CFAP47: variants seen among roughly 807,000 people sequenced by gnomAD.
The protein encoded by CFAP47 is cilia and flagella associated protein 47.
Under a neutral mutation model 148.1 loss-of-function variants are expected in CFAP47, and 29 were observed. The observed-to-expected ratio is 0.20, with a 90% CI of 0.15 to 0.27. CFAP47 has a LOEUF of 0.27. Among genes scored for constraint, CFAP47 ranks in the 10% least tolerant of loss-of-function variants. The pLI is 1.00. For synonymous variants in CFAP47, 664 were observed against 577.3 expected, an observed-to-expected ratio of 1.15 and a Z score of -2.15; for missense variants, 1,872 against 1,697.5, an observed-to-expected ratio of 1.10 and a Z score of -1.81.
chrX:36,243,359 A>T (rs1312559527), intron 48 of CFAP47, among the ~76,000 whole-genome samples: 1 of 110,080 alleles, frequency 9.1e-6, no homozygotes, highest in Non-Finnish European at 1.9e-5. Flanking sequence ...AATTGGACTA[A>T]AAACCCCACT....
At chrX:36,173,964 C>T (rs1027121654) in intron 39 of CFAP47, among the ~76,000 whole-genome samples, 4 of 110,786 alleles carry the variant, frequency 3.6e-5, no homozygotes, top group African/African-American at 1.3e-4. Context: ...TCAGGACTTG[C>T]TTTATGAATC....
rs1431990189 is a variant in CFAP47, at chrX:36,359,846, G to A, written c.8852-1484G>A. Reference sequence around the variant, plus strand: ...GCTCACTGCAAACTCTGCCTCCCGGGTTCACACCATTCTTGTGCCTCAGCC... The same window carrying A: ...GCTCACTGCAAACTCTGCCTCCCGGATTCACACCATTCTTGTGCCTCAGCC... On this transcript the variant is annotated intron_variant, in intron 60 of 63. Transcript: ENST00000378653. Among the ~76,000 whole-genome samples the A allele has an allele frequency of 3.6e-5, 4 of 111,071 alleles. No homozygotes were observed. The East Asian group carries it at 8.6e-4, about 24-fold the overall frequency.
intron 23 of CFAP47, among the ~76,000 whole-genome samples, chrX:36,034,453 G>A (rs954157033): frequency 1.8e-5 from 2 of 110,824 alleles, no homozygotes; most frequent in East Asian, 5.7e-4. Context: ...ACAATCAAGT[G>A]GTAGGAGGTT....
chrX:35,923,189 A>G (rs979089569), intron 1 of CFAP47, among the ~76,000 whole-genome samples: 1 of 111,066 alleles, frequency 9.0e-6, no homozygotes, highest in African/African-American at 3.3e-5. Context: ...TATGATTTAG[A>G]GTCAGATAGA....
rs553132613 is a variant in CFAP47, at chrX:36,073,696, C to T, written c.4691+332C>T. ...AGCCCTTTTAATATTAGCCCTAGAT[C>T]GAGATTATAGCCAGGTAGACAGGTA... is the stretch of plus-strand genomic sequence containing the variant. On this transcript the variant is annotated intron_variant, in intron 29 of 63. Transcript: ENST00000378653. Among the ~76,000 whole-genome samples, 12 of 110,853 alleles carry T rather than the reference C, an allele frequency of 1.1e-4. No individual in the cohort carries two copies. In the South Asian group the frequency reaches 2.7e-3, roughly 25 times the overall value.
At chrX:36,202,287 T>A (rs1225155706) in intron 44 of CFAP47, among the ~76,000 whole-genome samples, 1 of 111,572 alleles carries the variant, frequency 9.0e-6, no homozygotes, top group Admixed American at 9.5e-5. Context: ...GCAAGCCTGC[T>A]CATGTTGCTC....
chrX:35,925,896 T>A lies in CFAP47; in HGVS notation c.250-121T>A, dbSNP rs67070423. Reference sequence around the variant, plus strand: ...GGTCTCGATCTCCTGACCTCATGATTCGCTGGCCTCCACCTCCCAAAGTGC... The same window carrying A: ...GGTCTCGATCTCCTGACCTCATGATACGCTGGCCTCCACCTCCCAAAGTGC... On this transcript the variant is annotated intron_variant, in intron 1 of 63. Coordinates refer to ENST00000378653, the MANE Select transcript of CFAP47 (RefSeq NM_001304548.2). 6,460 of 493,336 alleles carry A rather than the reference T, an allele frequency of 0.013. 331 individuals are homozygous for A. In the African/African-American group the frequency reaches 0.14, roughly 11 times the overall value. The allele number at this position is 493,336 out of a possible 1,213,427, so 40.7% of individuals were successfully genotyped here. A position where few individuals can be genotyped will look rare whatever the true frequency, so the allele number is the denominator to read the frequency against.
chrX:36,053,206 C>T (rs924902409), intron 26 of CFAP47, among the ~76,000 whole-genome samples: 1 of 111,305 alleles, frequency 9.0e-6, no homozygotes, highest in Middle Eastern at 4.7e-3. Flanking sequence ...GGGATACTAC[C>T]AGGTAGCTAC....
At chrX:36,204,741 A>T (rs782061753) in intron 44 of CFAP47, among the ~76,000 whole-genome samples, 106 of 111,256 alleles carry the variant, frequency 9.5e-4, no homozygotes, top group Non-Finnish European at 1.7e-3. Flanking sequence ...AGCACGGGGG[A>T]CATTGGTCAT....
chrX:36,299,990 G>A (rs1556007505), intron 52 of CFAP47, among the ~76,000 whole-genome samples: 1 of 111,458 alleles, frequency 9.0e-6, no homozygotes, highest in African/African-American at 3.3e-5. Context: ...AGAAATATGG[G>A]CTGGTCTTTT....
chrX:36,035,223 G>C (rs1937324234), intron 23 of CFAP47, among the ~76,000 whole-genome samples: 1 of 111,491 alleles, frequency 9.0e-6, no homozygotes, highest in South Asian at 3.7e-4. Context: ...TTATCACCTA[G>C]AGTACATTAT....
intron 22 of CFAP47, among the ~76,000 whole-genome samples, chrX:36,018,960 T>C (rs1304481456): frequency 8.9e-6 from 1 of 111,753 alleles, no homozygotes; most frequent in Non-Finnish European, 1.9e-5. Context: ...AATACAACAG[T>C]GATGATACCA....
intron 50 of CFAP47, among the ~76,000 whole-genome samples, chrX:36,284,698 C>A (rs73629598): frequency 0.02 from 2,268 of 111,557 alleles, 62 homozygotes; most frequent in African/African-American, 0.07. Flanking sequence ...CTAGTTTGTG[C>A]TTCTTATTTC....
At chrX:36,173,043 G>A (rs369707287) in intron 39 of CFAP47, among the ~76,000 whole-genome samples, 41 of 110,754 alleles carry the variant, frequency 3.7e-4, no homozygotes, top group South Asian at 3.1e-3. Flanking sequence ...TGTATGTGTC[G>A]AGGAATTTAT....
At chrX:36,122,921 C>A (rs1161101441) in intron 33 of CFAP47, among the ~76,000 whole-genome samples, 1 of 111,382 alleles carries the variant, frequency 9.0e-6, no homozygotes, top group Non-Finnish European at 1.9e-5. Flanking sequence ...TATTCTCAGT[C>A]TGGGCTTGTT....
intron 1 of CFAP47, among the ~76,000 whole-genome samples, chrX:35,920,832 G>A (rs184324547): frequency 1.0e-3 from 112 of 111,546 alleles, no homozygotes; most frequent in Non-Finnish European, 1.5e-3. Context: ...ATAAAAAGTA[G>A]TGTTGAATAC....
intron 40 of CFAP47, among the ~76,000 whole-genome samples, chrX:36,183,062 C>G (rs1939768348): frequency 8.9e-6 from 1 of 112,611 alleles, no homozygotes; most frequent in African/African-American, 3.2e-5. Context: ...GTAATCCCAG[C>G]ACTTTGGGAG....
At chrX:36,297,409 A>C (rs782565402) in intron 51 of CFAP47, among the ~76,000 whole-genome samples, 5 of 112,514 alleles carry the variant, frequency 4.4e-5, no homozygotes, top group Non-Finnish European at 7.5e-5. Context: ...AAGTACGTTT[A>C]TTACCAAGCT....
chrX:36,201,074 A>G (rs1444155196), intron 43 of CFAP47, among the ~76,000 whole-genome samples, 200 bp from the exon 44 acceptor site: 1 of 111,397 alleles, frequency 9.0e-6, no homozygotes, highest in African/African-American at 3.3e-5. Flanking sequence ...GAGAATACCA[A>G]TAATCTTTAA....
Sources: gnomAD v4.1 joint callset for allele counts (sites outside exome capture counted in the v4.1 genomes callset) on GRCh38, gnomAD v4.1.1 for gene constraint, MANE v1.5 for transcripts, NCBI Gene and HGNC (gene_info 2026-07-23, HGNC 2026-07-21) for gene names.